NEIL3: variants seen among roughly 807,000 people sequenced by gnomAD.
NEIL3 encodes nei like DNA glycosylase 3.
NEIL3 carries 48 observed loss-of-function variants against 57.5 expected under a neutral mutation model. The observed-to-expected ratio is 0.83, with a 90% confidence interval of 0.66 to 1.06. The LOEUF (loss-of-function observed/expected upper bound fraction) is 1.06. NEIL3 is among the 50% of genes least tolerant of loss of function. The probability of loss-of-function intolerance (pLI) is 0.00; values close to 1 mark genes in which losing one functional copy is unlikely to be tolerated. For synonymous variants in NEIL3, 261 were observed against 253.2 expected, an observed-to-expected ratio of 1.03 and a Z score of -0.29; for missense variants, 717 against 739.1, an observed-to-expected ratio of 0.97 and a Z score of 0.35.
At chr4:177,348,067 C>CTA (rs1266987529) in intron 6 of NEIL3, among the ~76,000 whole-genome samples, 15 of 152,304 alleles carry the variant, frequency 9.8e-5, no homozygotes, top group Middle Eastern at 3.4e-3. Flanking sequence ...TCTATCTTTT[C>CTA]TTTAAGCAGT....
chr4:177,340,590 G>A (rs1198265113), intron 5 of NEIL3, among the ~76,000 whole-genome samples: 1 of 152,154 alleles, frequency 6.6e-6, no homozygotes, highest in Non-Finnish European at 1.5e-5. Context: ...GATCGGTCTT[G>A]AGTAACTATG....
intron 4 of NEIL3, 35 bp downstream of exon 4, chr4:177,336,356 T>C (rs1393240073): frequency 1.3e-6 from 2 of 1,577,180 alleles, no homozygotes; most frequent in Admixed American, 3.4e-5. Context: ...TATCTGTTGA[T>C]TTTTCGGTAC....
At chr4:177,370,656 G>A in the NEIL3 span, among the ~76,000 whole-genome samples, 1 of 152,142 alleles carries the variant, frequency 6.6e-6, no homozygotes, top group Admixed American at 6.6e-5. Flanking sequence ...ATCCCAGCAT[G>A]CTGGGAGGCC....
intron 8 of NEIL3, among the ~76,000 whole-genome samples, chr4:177,356,762 T>A (rs1273792071): frequency 6.6e-6 from 1 of 152,214 alleles, no homozygotes; most frequent in East Asian, 1.9e-4. Flanking sequence ...AGATGTGTAT[T>A]CCATCCAGCT....
chr4:177,340,583 C>T (rs961426288), intron 5 of NEIL3, among the ~76,000 whole-genome samples: 5 of 152,146 alleles, frequency 3.3e-5, no homozygotes, highest in African/African-American at 1.2e-4. Context: ...CTCTGCAGAT[C>T]GGTCTTGAGT....
downstream of NEIL3, among the ~76,000 whole-genome samples, chr4:177,366,719 A>G (rs1735697887): frequency 6.6e-6 from 1 of 152,132 alleles, no homozygotes. Context: ...TTTCAATCCC[A>G]TACTCTTCCT....
Position 177,353,705 on chromosome 4 carries a change from C to T in NEIL3, c.1437C>T (p.Ser479=), listed in dbSNP as rs1016451412. The change falls in exon 8 of 10, where the codon AGC becomes AGT. Residue 479 remains serine, a synonymous_variant. Coordinates refer to ENST00000264596, the MANE Select transcript of NEIL3 (RefSeq NM_018248.3). The part of the protein sequence containing the change: ...TAQYSSPELK[S]CNPGYSNSEL... ...AATACTCATCACCAGAGCTTAAAAG[C>T]TGCAACCCTGGATATTCTAACAGGT... 1 of 1,612,620 alleles carries T rather than the reference C, an allele frequency of 6.2e-7. No homozygotes were observed. Among genetic ancestry groups the T allele is most frequent in the Non-Finnish European group, 8.5e-7 (1 of 1,179,570 alleles).
chr4:177,341,532 T>C lies in NEIL3; in HGVS notation c.759T>C (p.Asn253=), dbSNP rs572180905. Residue 253 remains asparagine, a synonymous_variant, in exon 6 of 10, where the codon AAT becomes AAC. Transcript: ENST00000264596. ...ACTATAAGGTTTACAAGCGTCCTAA[T>C]TGTGGTCAGTGCCACTGCAGAATAA... The part of the protein sequence containing the change: ...SKHYKVYKRP[N]CGQCHCRITV... The C allele has an allele frequency of 3.7e-6, 6 of 1,613,826 alleles. No homozygotes were observed. The Middle Eastern group carries it at 5.0e-4, about 133-fold the overall frequency.
At chr4:177,354,006 T>C (rs897103962) in intron 8 of NEIL3, 94 of 306,694 alleles carry the variant, frequency 3.1e-4, no homozygotes, top group African/African-American at 2.0e-3. Context: ...TCTCAAGTTA[T>C]CTGCCCACCT....
At chr4:177,330,811 T>G (rs1734871147) in intron 2 of NEIL3, among the ~76,000 whole-genome samples, 1 of 152,224 alleles carries the variant, frequency 6.6e-6, no homozygotes, top group Non-Finnish European at 1.5e-5. Context: ...ATGTAACTTT[T>G]TTTATACTAA....
chr4:177,337,088 T>A (rs1734992893), intron 4 of NEIL3, among the ~76,000 whole-genome samples: 1 of 149,970 alleles, frequency 6.7e-6, no homozygotes, highest in African/African-American at 2.4e-5. Flanking sequence ...CTTATTTATA[T>A]GTTGCAAAAA....
intron 5 of NEIL3, 22 bp downstream of exon 5, chr4:177,339,879 T>C (rs750046172): frequency 6.6e-6 from 10 of 1,526,118 alleles, no homozygotes; most frequent in Admixed American, 1.7e-5. Context: ...ATTTTTCAAC[T>C]GTGTAAAATG....
intron 2 of NEIL3, among the ~76,000 whole-genome samples, chr4:177,328,377 C>T (rs997557256): frequency 1.3e-5 from 2 of 152,090 alleles, no homozygotes; most frequent in African/African-American, 4.8e-5. Flanking sequence ...CAAACCAAAC[C>T]AAATGTCCCT....
chr4:177,364,134 A>G (rs1280214659), downstream of NEIL3, among the ~76,000 whole-genome samples: 2 of 152,172 alleles, frequency 1.3e-5, no homozygotes, highest in Admixed American at 1.3e-4. Flanking sequence ...GGAAGGAAAG[A>G]TTGTTTAAAA....
Position 177,338,051 on chromosome 4 carries a change from T to C in NEIL3, c.627+1730T>C, listed in dbSNP as rs916619093. Among the ~76,000 whole-genome samples, 587 of 134,512 alleles carry C rather than the reference T, an allele frequency of 4.4e-3. 3 individuals are homozygous for C. Among genetic ancestry groups the C allele is most frequent in the African/African-American group, 0.016 (552 of 35,498 alleles). 88.2% of individuals were successfully genotyped at this position (134,512 alleles called of 152,430 possible). A position where few individuals can be genotyped will look rare whatever the true frequency, so the allele number is the denominator to read the frequency against. ...ACACACACACACACACACACACACATTTCTGAAATTTAGCTCTTAGCTTCT... is the reference window on the plus strand; with the variant it reads ...ACACACACACACACACACACACACACTTCTGAAATTTAGCTCTTAGCTTCT... On this transcript the variant is annotated intron_variant, in intron 4 of 9. Transcript: ENST00000264596.
At chr4:177,320,169 C>G (rs144106045) in intron 1 of NEIL3, among the ~76,000 whole-genome samples, 3,051 of 152,136 alleles carry the variant, frequency 0.02, 49 homozygotes, top group Middle Eastern at 0.13. Context: ...TATACTTGGC[C>G]TGAAGTGTAT....
intron 1 of NEIL3, 59 bp from the exon 2 acceptor site, chr4:177,322,400 G>A: frequency 6.2e-7 from 1 of 1,602,722 alleles, no homozygotes; most frequent in Non-Finnish European, 8.5e-7. Context: ...ATTAAATAAT[G>A]CTTTTGCTTA....
chr4:177,364,817 A>T (rs181587329), downstream of NEIL3, among the ~76,000 whole-genome samples: 1 of 151,988 alleles, frequency 6.6e-6, no homozygotes, highest in East Asian at 1.9e-4. Context: ...AGTCCCAGCT[A>T]CTGTGGAGGC....
chr4:177,358,173 C>T (rs1411473596), intron 8 of NEIL3, among the ~76,000 whole-genome samples: 1 of 152,188 alleles, frequency 6.6e-6, no homozygotes, highest in African/African-American at 2.4e-5. Context: ...TCTGATTCTG[C>T]AGGCAATCAG....
Sources: gnomAD v4.1 joint callset for allele counts (sites outside exome capture counted in the v4.1 genomes callset) on GRCh38, gnomAD v4.1.1 for gene constraint, MANE v1.5 for transcripts, NCBI Gene and HGNC (gene_info 2026-07-23, HGNC 2026-07-21) for gene names.